XKR4: variants seen among roughly 807,000 people sequenced by gnomAD.
XKR4 encodes XK-related protein 4.
In XKR4, 12 loss-of-function variants were observed where a neutral mutation model predicts 53.9. The ratio of observed to expected loss-of-function variants is 0.22; its 90% CI spans 0.14 to 0.36. The LOEUF is 0.36. Ranked by LOEUF, XKR4 falls within the 10% of genes least tolerant of loss-of-function variation. The pLI is 1.00. For synonymous variants in XKR4, 354 were observed against 362.4 expected (o/e 0.98, Z 0.26); for missense variants, 799 against 859.5 (o/e 0.93, Z 0.88).
intron 2 of XKR4, among the ~76,000 whole-genome samples, chr8:55,388,460 A>G (rs537639624): frequency 2.0e-5 from 3 of 146,416 alleles, no homozygotes; most frequent in African/African-American, 5.2e-5. Flanking sequence ...TATTTTTCAC[A>G]GTTCCAGAGG....
chr8:55,427,544 T>C (rs1009904793), intron 2 of XKR4, among the ~76,000 whole-genome samples: 1 of 152,214 alleles, frequency 6.6e-6, no homozygotes, highest in African/African-American at 2.4e-5. Context: ...TTTTGGTTAC[T>C]GGCACATATA....
intron 1 of XKR4, among the ~76,000 whole-genome samples, chr8:55,184,307 T>C (rs772132604): frequency 6.6e-6 from 1 of 152,168 alleles, no homozygotes; most frequent in Non-Finnish European, 1.5e-5. Context: ...TTTTCCTTAT[T>C]GTAAGGGTGG....
At chr8:55,355,125 A>G (rs551248637) in intron 1 of XKR4, among the ~76,000 whole-genome samples, 11 of 152,100 alleles carry the variant, frequency 7.2e-5, no homozygotes, top group African/African-American at 2.7e-4. Context: ...GCTGGTCTTG[A>G]ACTCCTGACC....
chr8:55,325,407 C>T (rs1384641158), intron 1 of XKR4, among the ~76,000 whole-genome samples: 1 of 152,078 alleles, frequency 6.6e-6, no homozygotes, highest in African/African-American at 2.4e-5. Flanking sequence ...TCTTGAATTT[C>T]CAAGCAGGGG....
rs1189370917 is a variant in XKR4 at position 55,261,877 on chromosome 8, C to CT, written c.807-95791dup. Among the ~76,000 whole-genome samples the CT allele has an allele frequency of 1.1e-3, 169 of 149,378 alleles. No homozygotes were observed. The Middle Eastern group carries it at 0.014, about 12-fold the overall frequency. ...CTAAGAAAGAAAAGGGAAGATTTGG[C>CT]TTTTTTTTTTAAAAAAAAGTATATT... On this transcript the variant is annotated intron_variant, in intron 1 of 2. Transcript: ENST00000327381.
At chr8:55,156,785 G>C (rs2129356349) in intron 1 of XKR4, among the ~76,000 whole-genome samples, 1 of 152,246 alleles carries the variant, frequency 6.6e-6, no homozygotes, top group African/African-American at 2.4e-5. Context: ...AGTGTTCAGG[G>C]AGCCAAAATC....
intron 1 of XKR4, among the ~76,000 whole-genome samples, chr8:55,288,719 T>C (rs948436095): frequency 6.6e-6 from 1 of 152,206 alleles, no homozygotes; most frequent in African/African-American, 2.4e-5. Context: ...GATCATTGTA[T>C]GCTTTACCCA....
intron 1 of XKR4, among the ~76,000 whole-genome samples, chr8:55,346,709 G>GTGTGTGTGTGTGTT (rs998907764): frequency 6.6e-6 from 1 of 150,432 alleles, no homozygotes; most frequent in Non-Finnish European, 1.5e-5. Context: ...GTGTGTGTGT[G>GTGTGTGTGTGTGTT]TGTGTGTGTG....
intron 2 of XKR4, chr8:55,452,977 G>T: frequency 1.4e-6 from 1 of 714,614 alleles, no homozygotes; most frequent in Non-Finnish European, 2.6e-6. Flanking sequence ...CTCAGGGATG[G>T]CCACAGGCAC....
In XKR4 at chr8:55,195,380, T is replaced by G. The variant is rs921843585; in HGVS notation, c.806+92086T>G. Among the ~76,000 whole-genome samples, 3 of 129,644 alleles carry G rather than the reference T, an allele frequency of 2.3e-5. 1 individual carries two copies. Among genetic ancestry groups the G allele is most frequent in the Middle Eastern group, 3.7e-3 (1 of 272 alleles). The allele number at this position is 129,644 out of a possible 152,430, so 85.1% of individuals were successfully genotyped here. A position where few individuals can be genotyped will look rare whatever the true frequency, so the allele number is the denominator to read the frequency against. On this transcript the variant is annotated intron_variant, in intron 1 of 2. Transcript: ENST00000327381. ...TTAGTTTGTATACATACCTTTTATTTCAGGCAAGTATAATTGCATGATCAA... is the reference window on the plus strand; with the variant it reads ...TTAGTTTGTATACATACCTTTTATTGCAGGCAAGTATAATTGCATGATCAA...
At chr8:55,144,069 G>T (rs375937754) in intron 1 of XKR4, among the ~76,000 whole-genome samples, 6 of 152,194 alleles carry the variant, frequency 3.9e-5, no homozygotes, top group South Asian at 2.1e-4. Context: ...TTTTGGCTAG[G>T]TTCCTCATTT....
At position 55,289,558 on chromosome 8, in the gene XKR4, A is replaced by AGAG. The variant is rs1232917047; in HGVS notation, c.807-68120_807-68119insGAG. The stretch of plus-strand genomic sequence containing the variant: ...GAAAGAAAGAAGGAAGGAAGGAAGG[A>AGAG]AGGAAGGAAGGAGAGAGAAAGGAAG... On this transcript the variant is annotated intron_variant, in intron 1 of 2. Transcript: ENST00000327381. 3.8e-4 allele frequency among the ~76,000 whole-genome samples: 48 copies of AGAG among 126,994 alleles called. 1 individual carries two copies. The highest frequency in any genetic ancestry group is 1.2e-3 in the African/African-American group (42 of 34,354). 83.3% of individuals were successfully genotyped at this position (126,994 alleles called of 152,430 possible).
intron 1 of XKR4, among the ~76,000 whole-genome samples, chr8:55,126,028 A>G (rs560216638): frequency 6.6e-6 from 1 of 152,210 alleles, no homozygotes; most frequent in East Asian, 1.9e-4. Flanking sequence ...GTTATTATAG[A>G]TTGGCTCACT....
At chr8:55,280,249 T>C (rs1485603813) in intron 1 of XKR4, among the ~76,000 whole-genome samples, 2 of 152,180 alleles carry the variant, frequency 1.3e-5, no homozygotes, top group African/African-American at 4.8e-5. Context: ...CCATTGTTTC[T>C]CTTTCCTTTG....
intron 1 of XKR4, among the ~76,000 whole-genome samples, chr8:55,136,411 C>T (rs561505816): frequency 2.0e-5 from 3 of 152,298 alleles, no homozygotes; most frequent in Non-Finnish European, 2.9e-5. Context: ...GCTTTTTAAG[C>T]ATTTTAAACA....
chr8:55,405,454 A>C (rs1040155866), intron 2 of XKR4, among the ~76,000 whole-genome samples: 3 of 152,214 alleles, frequency 2.0e-5, no homozygotes, highest in Non-Finnish European at 4.4e-5. Flanking sequence ...GTTTATGGTG[A>C]GGAGAGCCGA....
chr8:55,110,244 A>T (rs758901206), intron 1 of XKR4, among the ~76,000 whole-genome samples: 1 of 152,186 alleles, frequency 6.6e-6, no homozygotes, highest in Non-Finnish European at 1.5e-5. Flanking sequence ...TCTATAAGAA[A>T]TATTCTCTTA....
chr8:55,460,825 G>T (rs1805644994), intron 2 of XKR4, among the ~76,000 whole-genome samples: 2 of 152,234 alleles, frequency 1.3e-5, no homozygotes, highest in Admixed American at 1.3e-4. Flanking sequence ...GGCACACCAG[G>T]AAATTATATC....
chr8:55,369,421 G>C (rs1439621188), intron 2 of XKR4, among the ~76,000 whole-genome samples: 1 of 112,702 alleles, frequency 8.9e-6, no homozygotes, highest in Admixed American at 8.8e-5. Flanking sequence ...GAAGGGAAGG[G>C]AAAGGAAGGG....
Sources: gnomAD v4.1 joint callset for allele counts (sites outside exome capture counted in the v4.1 genomes callset) on GRCh38, gnomAD v4.1.1 for gene constraint, MANE v1.5 for transcripts, NCBI Gene and HGNC (gene_info 2026-07-23, HGNC 2026-07-21) for gene names.